PIWIL4: variants seen among roughly 807,000 people sequenced by gnomAD.
PIWIL4 encodes piwi-like protein 4.
In PIWIL4, 50 loss-of-function variants were observed where a neutral mutation model predicts 100.9. The observed-to-expected ratio is 0.50, with a 90% CI of 0.39 to 0.63. The LOEUF is 0.63. PIWIL4 is among the 20% of genes least tolerant of loss of function. The probability of loss-of-function intolerance (pLI) is 0.00; values close to 1 mark genes in which losing one functional copy is unlikely to be tolerated. For synonymous variants in PIWIL4, 342 were observed against 367.5 expected (o/e 0.93, Z 0.79); for missense variants, 887 against 1,043.3 (o/e 0.85, Z 2.06).
chr11:94,578,603 T>C (rs1157258898), intron 4 of PIWIL4, among the ~76,000 whole-genome samples: 1 of 152,216 alleles, frequency 6.6e-6, no homozygotes, highest in East Asian at 1.9e-4. Context: ...AACTTTTCAT[T>C]ATACATCAAT....
At chr11:94,577,248 A>C (rs1591777434) in intron 3 of PIWIL4, 30 bp from the exon 4 acceptor site, 1 of 1,515,694 alleles carries the variant, frequency 6.6e-7, no homozygotes, top group South Asian at 1.1e-5. Context: ...TTTCCTGATT[A>C]AAAAATTGTT....
chr11:94,612,054 A>G (rs1264198122), intron 15 of PIWIL4, among the ~76,000 whole-genome samples: 5 of 152,208 alleles, frequency 3.3e-5, no homozygotes, highest in East Asian at 1.9e-4. Flanking sequence ...AACATTTTAT[A>G]TATCAGATTC....
chr11:94,567,513 G>C lies in PIWIL4; in HGVS notation c.-6G>C, dbSNP rs1055979539. 5 of 1,584,610 alleles carry C rather than the reference G, an allele frequency of 3.2e-6. No individual in the cohort carries two copies. In the African/African-American group the frequency reaches 6.7e-5, roughly 21 times the overall value. On this transcript the variant is annotated 5_prime_UTR_variant, in exon 1 of 20. Coordinates refer to ENST00000299001, the MANE Select transcript of PIWIL4 (RefSeq NM_152431.3). ...CTCTTGTGGCCACTCTGGGCTCACC[G>C]GGAACATGAGTGGAAGAGCCCGAGT...
chr11:94,586,480 CTGTT>C (rs142321902), intron 6 of PIWIL4, among the ~76,000 whole-genome samples: 344 of 152,288 alleles, frequency 2.3e-3, no homozygotes, highest in African/African-American at 7.9e-3. Flanking sequence ...TCTTGTATAT[CTGTT>C]TGTGGTATCA....
chr11:94,582,946 A>G (rs1022152776), intron 4 of PIWIL4, among the ~76,000 whole-genome samples: 1 of 151,902 alleles, frequency 6.6e-6, no homozygotes, highest in Non-Finnish European at 1.5e-5. Flanking sequence ...TGAACTTGGG[A>G]TGGGCAGGAC....
chr11:94,580,890 CTTTTTTTT>C (rs956802836), intron 4 of PIWIL4, among the ~76,000 whole-genome samples: 2 of 78,970 alleles, frequency 2.5e-5, no homozygotes, highest in South Asian at 4.9e-4. Flanking sequence ...CTCTGCCAGG[CTTTTTTTT>C]TTTTTTTTTT....
At chr11:94,585,580 A>T in intron 6 of PIWIL4, 55 bp downstream of exon 6, 1 of 1,350,544 alleles carries the variant, frequency 7.4e-7, no homozygotes, top group Non-Finnish European at 1.0e-6. Flanking sequence ...TGAGCAACAT[A>T]ATTTATGATG....
Position 94,568,742 on chromosome 11 carries a change from G to C in PIWIL4, c.100G>C (p.Asp34His). The C allele has an allele frequency of 6.2e-7, 1 of 1,606,348 alleles. No homozygotes were observed. The highest frequency in any genetic ancestry group is 8.5e-7 in the Non-Finnish European group (1 of 1,173,028). Residue 34 changes from aspartate (D) to histidine (H), a missense_variant, in exon 2 of 20, where the codon GAT becomes CAT. Around this residue, in one of 2 missense-constraint regions of PIWIL4, gnomAD observed 146 missense variants for 113.4 expected, o/e 1.29. Coordinates refer to ENST00000299001, the MANE Select transcript of PIWIL4 (RefSeq NM_152431.3). ...TTTGCCATTTTAGCCTAGATCTGTTGATCTTAGTAACAATGAAGCATCCTC... is the reference window on the plus strand; with the variant it reads ...TTTGCCATTTTAGCCTAGATCTGTTCATCTTAGTAACAATGAAGCATCCTC... ...IQASPLPRSVDLSNNEASSSN... is the reference protein window; with the variant it reads ...IQASPLPRSVHLSNNEASSSN...
At chr11:94,593,731 T>C (rs569490302) in intron 9 of PIWIL4, 90 bp downstream of exon 9, 1 of 1,418,192 alleles carries the variant, frequency 7.1e-7, no homozygotes, top group African/African-American at 1.4e-5. Context: ...GTTACATGAA[T>C]GCCAGGACAT....
intron 5 of PIWIL4, 39 bp downstream of exon 5, chr11:94,583,608 A>G (rs774746640): frequency 1.9e-6 from 3 of 1,611,116 alleles, no homozygotes; most frequent in Admixed American, 3.3e-5. Context: ...TGGGCTAATG[A>G]TACCTTTCAG....
At chr11:94,599,538 C>T (rs1365142815) in intron 11 of PIWIL4, among the ~76,000 whole-genome samples, 2 of 152,216 alleles carry the variant, frequency 1.3e-5, no homozygotes, top group Non-Finnish European at 2.9e-5. Context: ...TACAGCTCTC[C>T]TCATGCCCTA....
intron 15 of PIWIL4, among the ~76,000 whole-genome samples, chr11:94,610,518 CT>C (rs1948777217): frequency 6.6e-6 from 1 of 152,036 alleles, no homozygotes; most frequent in South Asian, 2.1e-4. Flanking sequence ...TATCTTCTGA[CT>C]TTTTGGTCAT....
chr11:94,593,418 A>G, intron 8 of PIWIL4, 100 bp from the exon 9 acceptor site: 7 of 1,231,126 alleles, frequency 5.7e-6, no homozygotes, highest in Non-Finnish European at 7.8e-6. Context: ...GGTTAGATTT[A>G]TTTATATATT....
rs186543874 is a variant in PIWIL4 at position 94,594,338 on chromosome 11, C to G, written c.1150+697C>G. ...AAAACTAGCTGGGCCCGGTGGCACG[C>G]GTCTGTAACCCCAGCTACTCAGGAG... On this transcript the variant is annotated intron_variant, in intron 9 of 19. Coordinates refer to ENST00000299001, the MANE Select transcript of PIWIL4 (RefSeq NM_152431.3). Among the ~76,000 whole-genome samples, 7 of 151,596 alleles carry G rather than the reference C, an allele frequency of 4.6e-5. No homozygotes were observed. In the East Asian group the frequency reaches 1.4e-3, roughly 30 times the overall value.
chr11:94,568,210 T>C (rs1488873222), intron 1 of PIWIL4, among the ~76,000 whole-genome samples: 2 of 152,328 alleles, frequency 1.3e-5, no homozygotes, highest in African/African-American at 2.4e-5. Flanking sequence ...CTCTGGACTT[T>C]GTTCATTTTT....
At position 94,589,136 on chromosome 11, in the gene PIWIL4, C is replaced by T. The variant is rs532102384; in HGVS notation, c.930C>T (p.Thr310=). The T allele has an allele frequency of 5.6e-6, 9 of 1,609,964 alleles. No individual in the cohort carries two copies. The highest frequency in any genetic ancestry group is 7.6e-6 in the Non-Finnish European group (9 of 1,176,790). The change falls in exon 8 of 20, where the codon ACC becomes ACT. Residue 310 remains threonine, a synonymous_variant. Transcript: ENST00000299001. ...LIVLTRYNNR[T]YSIDDIDWSV... ...TATTTGGCAGATACAATAACAGAAC[C>T]TACTCCATTGATGACATTGACTGGT...
At chr11:94,592,938 C>T (rs1340029759) in intron 8 of PIWIL4, among the ~76,000 whole-genome samples, 1 of 152,104 alleles carries the variant, frequency 6.6e-6, no homozygotes. Context: ...AAAGTTAAGT[C>T]ACTTCCCCAG....
chr11:94,573,009 C>T (rs1198907349), intron 2 of PIWIL4, among the ~76,000 whole-genome samples: 3 of 152,124 alleles, frequency 2.0e-5, no homozygotes, highest in African/African-American at 7.2e-5. Context: ...ATTCACATCC[C>T]TGTAAGTTGG....
intron 10 of PIWIL4, among the ~76,000 whole-genome samples, chr11:94,596,462 A>G (rs1948560797): frequency 6.6e-6 from 1 of 152,154 alleles, no homozygotes; most frequent in Non-Finnish European, 1.5e-5. Context: ...ATATAATCCT[A>G]TTTTTTAAAA....
Sources: allele counts gnomAD v4.1 joint callset (sites outside exome capture counted in the v4.1 genomes callset), GRCh38; gene constraint gnomAD v4.1.1; regional missense constraint gnomAD v4.1.1; transcripts MANE v1.5; gene names NCBI Gene and HGNC (gene_info 2026-07-23, HGNC 2026-07-21).